The following KDM4C variants were observed in gnomAD, a reference collection of about 807,000 sequenced individuals.
KDM4C encodes the protein lysine-specific demethylase 4C.
A neutral mutation model predicts 129.3 loss-of-function variants in KDM4C; 81 were observed. The observed-to-expected ratio is 0.63, with a 90% CI of 0.52 to 0.75. The LOEUF is 0.75. Ranked by LOEUF, KDM4C falls within the 30% of genes least tolerant of loss-of-function variation. The pLI is 0.00. For missense variants in KDM4C, 1,457 were observed against 1,304.0 expected (o/e 1.12, Z -1.81); for synonymous variants, 573 against 456.1 (o/e 1.26, Z -3.26).
intron 8 of KDM4C, among the ~76,000 whole-genome samples, chr9:6,935,341 G>T (rs917849976): frequency 6.6e-6 from 1 of 151,754 alleles, no homozygotes; most frequent in African/African-American, 2.4e-5. Context: ...ATTTTCAAAT[G>T]TTTGATTTTT....
rs1473397410 is a variant in KDM4C, at chr9:6,986,362, C to T, written c.1373C>T (p.Thr458Ile). ...TCCTCAGGAAACAGCTGCTTAAGTA[C>T]ATCTGTAACAGAAGACATAAAAACT... ...IKLSGNSCLS[T>I]SVTEDIKTED... The change falls in exon 11 of 22, where the codon ACA becomes ATA. Residue 458 changes from threonine to isoleucine, a missense_variant. Thr to Ile is a moderately conservative substitution (Grantham distance 89). Transcript: ENST00000381309. The T allele has an allele frequency of 6.2e-7, 1 of 1,609,850 alleles. No individual in the cohort carries two copies. Among genetic ancestry groups the T allele is most frequent in the Non-Finnish European group, 8.5e-7 (1 of 1,176,710 alleles).
intron 5 of KDM4C, among the ~76,000 whole-genome samples, chr9:6,851,273 C>G (rs1479690860): frequency 5.9e-5 from 9 of 152,142 alleles, no homozygotes; most frequent in Non-Finnish European, 1.3e-4. Context: ...GCCACTGCAC[C>G]CAGCACTCAG....
rs1199392289 is a variant in KDM4C, at chr9:7,165,357, G to T, written c.2901G>T (p.Gln967His). ...YFGSNIAHMY[Q>H]VEFEDGSQIA... ...GATCAAATATTGCCCACATGTACCAGGTGGGTTCTTCCTTCTCTGTGATGC... is the reference window on the plus strand; with the variant it reads ...GATCAAATATTGCCCACATGTACCATGTGGGTTCTTCCTTCTCTGTGATGC... Residue 967 changes from glutamine (Q) to histidine (H), a missense_variant and splice_region_variant, in exon 20 of 22, where the codon CAG (glutamine) becomes CAT (histidine). Coordinates refer to ENST00000381309, the MANE Select transcript of KDM4C (RefSeq NM_015061.6). 6 of 1,613,648 alleles carry T rather than the reference G, an allele frequency of 3.7e-6. No individual in the cohort carries two copies. Among genetic ancestry groups the T allele is most frequent in the Non-Finnish European group, 5.1e-6 (6 of 1,179,782 alleles).
At chr9:7,138,591 G>C (rs1050187717) in intron 19 of KDM4C, among the ~76,000 whole-genome samples, 2 of 152,082 alleles carry the variant, frequency 1.3e-5, no homozygotes, top group Non-Finnish European at 2.9e-5. Flanking sequence ...AAAGCAGGAG[G>C]ATTATTTGAG....
At chr9:6,762,468 G>A (rs956124301) in intron 1 of KDM4C, among the ~76,000 whole-genome samples, 8 of 151,834 alleles carry the variant, frequency 5.3e-5, no homozygotes, top group Non-Finnish European at 2.9e-5. Flanking sequence ...CACTGTGCTT[G>A]GCCTGCAAGC....
chr9:7,143,524 A>C (rs1841957577), intron 19 of KDM4C, among the ~76,000 whole-genome samples: 1 of 152,204 alleles, frequency 6.6e-6, no homozygotes, highest in South Asian at 2.1e-4. Context: ...GTAAAGCGAA[A>C]TTTACCACCC....
chr9:6,843,780 GAC>G (rs1252916111), intron 4 of KDM4C, among the ~76,000 whole-genome samples: 2 of 152,166 alleles, frequency 1.3e-5, no homozygotes. Context: ...GTGCAGCAGT[GAC>G]ACAGTTTTCA....
chr9:6,858,384 A>G (rs1190610190), intron 5 of KDM4C, among the ~76,000 whole-genome samples: 3 of 152,104 alleles, frequency 2.0e-5, no homozygotes, highest in Non-Finnish European at 4.4e-5. Context: ...CAACATTGAC[A>G]TCCCTTCAAA....
intron 8 of KDM4C, among the ~76,000 whole-genome samples, chr9:6,939,454 T>C (rs1825443409): frequency 6.6e-6 from 1 of 152,110 alleles, no homozygotes; most frequent in Non-Finnish European, 1.5e-5. Context: ...GTAATAATAA[T>C]AGAAATAAAG....
At chr9:6,761,921 C>T (rs1819615633) in intron 1 of KDM4C, among the ~76,000 whole-genome samples, 1 of 152,126 alleles carries the variant, frequency 6.6e-6, no homozygotes, top group South Asian at 2.1e-4. Context: ...GATTCTCCTC[C>T]TCAGCCTCCC....
chr9:6,880,178 A>T lies in KDM4C; in HGVS notation c.679+117A>T, dbSNP rs145142568. On this transcript the variant is annotated intron_variant, in intron 6 of 21. Coordinates refer to ENST00000381309, the MANE Select transcript of KDM4C (RefSeq NM_015061.6). Reference sequence around the variant, plus strand: ...ACCGTTACTCTGTTGGTTTTATTCTATTCAAGTTATTGACTTTTACATGTT... The same window carrying T: ...ACCGTTACTCTGTTGGTTTTATTCTTTTCAAGTTATTGACTTTTACATGTT... The T allele has an allele frequency of 8.8e-4, 433 of 489,344 alleles. 4 individuals carry two copies. The highest frequency in any genetic ancestry group is 7.1e-3 in the African/African-American group (353 of 50,036). The allele number at this position is 489,344 out of a possible 1,614,324, so 30.3% of individuals were successfully genotyped here.
At chr9:7,008,275 G>C (rs1374841214) in intron 12 of KDM4C, among the ~76,000 whole-genome samples, 1 of 152,122 alleles carries the variant, frequency 6.6e-6, no homozygotes, top group Admixed American at 6.5e-5. Flanking sequence ...GGTACCTGCA[G>C]ACTGAGCCTC....
chr9:6,834,803 G>A, intron 4 of KDM4C: 4 of 1,367,756 alleles, frequency 2.9e-6, no homozygotes, highest in Admixed American at 1.7e-5. Flanking sequence ...GGCCAGCCGC[G>A]AGAAGATGAC....
intron 8 of KDM4C, among the ~76,000 whole-genome samples, chr9:6,952,235 G>A (rs1828280025): frequency 6.6e-6 from 1 of 151,922 alleles, no homozygotes; most frequent in African/African-American, 2.4e-5. Context: ...TTAACATAGA[G>A]TTATTTAAAA....
chr9:7,089,772 A>T (rs1260651899), intron 17 of KDM4C, among the ~76,000 whole-genome samples: 1 of 152,212 alleles, frequency 6.6e-6, no homozygotes, highest in Admixed American at 6.5e-5. Flanking sequence ...ACTTTAAATT[A>T]GACTTAAAAA....
At chr9:7,062,896 A>G (rs1407072749) in intron 17 of KDM4C, among the ~76,000 whole-genome samples, 1 of 152,142 alleles carries the variant, frequency 6.6e-6, no homozygotes, top group Non-Finnish European at 1.5e-5. Flanking sequence ...TTCTGAAACT[A>G]TTAGAAATAT....
intron 18 of KDM4C, among the ~76,000 whole-genome samples, chr9:7,106,126 T>TC (rs1288991010): frequency 6.6e-6 from 1 of 152,194 alleles, no homozygotes; most frequent in Non-Finnish European, 1.5e-5. Context: ...TCCATTCGAC[T>TC]CCAAGTACGG....
chr9:6,776,015 T>C (rs908647527), intron 1 of KDM4C, among the ~76,000 whole-genome samples: 34 of 152,240 alleles, frequency 2.2e-4, no homozygotes, highest in African/African-American at 8.0e-4. Flanking sequence ...CCATTGTTAC[T>C]TTTGATACAT....
intron 15 of KDM4C, among the ~76,000 whole-genome samples, chr9:7,022,181 T>A (rs928125228): frequency 9.2e-5 from 14 of 152,208 alleles, no homozygotes; most frequent in African/African-American, 3.4e-4. Context: ...TTTTTCTATT[T>A]CTGTGAAGAA....
Sources: allele counts gnomAD v4.1 joint callset (sites outside exome capture counted in the v4.1 genomes callset), GRCh38; gene constraint gnomAD v4.1.1; transcripts MANE v1.5; gene names NCBI Gene and HGNC (gene_info 2026-07-23, HGNC 2026-07-21).